FILIP1: variants seen among roughly 807,000 people sequenced by gnomAD.
FILIP1 encodes the protein filamin A interacting protein 1.
FILIP1 carries 61 observed loss-of-function variants against 102.1 expected under a neutral mutation model. The observed-to-expected ratio is 0.60, with a 90% CI of 0.49 to 0.74. The LOEUF is 0.74. Ranked by LOEUF, FILIP1 falls within the 30% of genes least tolerant of loss-of-function variation. The pLI is 0.00. For missense variants in FILIP1, 1,314 were observed against 1,441.2 expected (o/e 0.91, Z 1.43); for synonymous variants, 491 against 526.9 (o/e 0.93, Z 0.93).
chr6:75,397,517 C>A (rs1776503201), intron 2 of FILIP1, among the ~76,000 whole-genome samples: 1 of 147,332 alleles, frequency 6.8e-6, no homozygotes, highest in South Asian at 2.1e-4. Flanking sequence ...GATTTTTTTA[C>A]ATAACATATA....
intron 4 of FILIP1, among the ~76,000 whole-genome samples, chr6:75,329,013 A>G (rs927300218): frequency 6.6e-6 from 1 of 152,202 alleles, no homozygotes; most frequent in South Asian, 2.1e-4. Context: ...TTTGATACTT[A>G]GTCAAACTTA....
intron 3 of FILIP1, among the ~76,000 whole-genome samples, chr6:75,358,832 C>T (rs1775087945): frequency 1.3e-5 from 2 of 150,290 alleles, no homozygotes; most frequent in Admixed American, 1.3e-4. Context: ...ATGCCATTCT[C>T]CTGCCTCAGC....
At chr6:75,476,988 G>A (rs776534157) in intron 1 of FILIP1, among the ~76,000 whole-genome samples, 11 of 152,064 alleles carry the variant, frequency 7.2e-5, no homozygotes, top group Admixed American at 2.0e-4. Context: ...GAATGATTGC[G>A]GTTATTAGTT....
intron 2 of FILIP1, among the ~76,000 whole-genome samples, chr6:75,406,255 T>C (rs1776840636): frequency 6.6e-6 from 1 of 152,106 alleles, no homozygotes; most frequent in South Asian, 2.1e-4. Flanking sequence ...GGAGGTGTCG[T>C]TTTACCTCCA....
At chr6:75,493,234 G>C (rs1780016640) in intron 1 of FILIP1, among the ~76,000 whole-genome samples, 180 bp downstream of exon 1, 2 of 152,346 alleles carry the variant, frequency 1.3e-5, no homozygotes, top group Non-Finnish European at 1.5e-5. Context: ...TTGAGGAAGA[G>C]ATGATGTTTC....
chr6:75,411,826 G>A (rs1777081275), intron 2 of FILIP1, among the ~76,000 whole-genome samples: 1 of 152,146 alleles, frequency 6.6e-6, no homozygotes, highest in Non-Finnish European at 1.5e-5. Flanking sequence ...TAGGCTTGTA[G>A]TATAGTTTGA....
exon 7 of FILIP1, chr6:75,295,539 C>T (rs1389155863): frequency 6.2e-6 from 1 of 162,290 alleles, no homozygotes; most frequent in African/African-American, 2.4e-5. Flanking sequence ...CTTTGAAGAA[C>T]TGACAGCGTA....
rs1776929565 is a variant in FILIP1, at chr6:75,407,881, C to T, written c.276+6816G>A. Among the ~76,000 whole-genome samples, 5 of 152,154 alleles carry T rather than the reference C, an allele frequency of 3.3e-5. No individual in the cohort carries two copies. The South Asian group carries it at 8.3e-4, about 25-fold the overall frequency. On this transcript the variant is annotated intron_variant, in intron 2 of 5. Transcript: ENST00000237172. The stretch of plus-strand genomic sequence containing the variant: ...CATCAAGAAAAAAGAATTAGTTTGT[C>T]CCTTGTTCTTGAATCATTCTGCACA...
At chr6:75,384,051 T>C (rs1478728421) in intron 2 of FILIP1, among the ~76,000 whole-genome samples, 1 of 152,218 alleles carries the variant, frequency 6.6e-6, no homozygotes, top group Admixed American at 6.5e-5. Context: ...ATAACTGTTA[T>C]GTCTTGTATT....
At chr6:75,459,374 T>C (rs1778945563) in intron 1 of FILIP1, among the ~76,000 whole-genome samples, 1 of 152,180 alleles carries the variant, frequency 6.6e-6, no homozygotes, top group African/African-American at 2.4e-5. Context: ...GAGGAGTAAT[T>C]GCTTTAACCA....
At chr6:75,301,600 T>G (rs1772839476) in intron 6 of FILIP1, among the ~76,000 whole-genome samples, 1 of 152,178 alleles carries the variant, frequency 6.6e-6, no homozygotes, top group Non-Finnish European at 1.5e-5. Flanking sequence ...TTTTACCAGG[T>G]AAGTAATTAA....
At chr6:75,452,399 G>A (rs1778665011) in intron 1 of FILIP1, among the ~76,000 whole-genome samples, 1 of 151,962 alleles carries the variant, frequency 6.6e-6, no homozygotes, top group South Asian at 2.1e-4. Context: ...GAGAATGATG[G>A]TTTCCAGCTT....
chr6:75,345,713 G>A (rs1003761094), intron 4 of FILIP1, among the ~76,000 whole-genome samples: 8 of 152,056 alleles, frequency 5.3e-5, no homozygotes, highest in Non-Finnish European at 7.4e-5. Flanking sequence ...GTGGTCAGCC[G>A]TCTTTTCCTT....
intron 1 of FILIP1, among the ~76,000 whole-genome samples, chr6:75,433,286 C>A (rs1280641882): frequency 4.6e-5 from 7 of 152,148 alleles, no homozygotes; most frequent in Non-Finnish European, 7.3e-5. Flanking sequence ...AGTTTGCAGT[C>A]CCACCAACAG....
chr6:75,307,459 TTC>T (rs1180885218), downstream of FILIP1, among the ~76,000 whole-genome samples: 3 of 152,188 alleles, frequency 2.0e-5, no homozygotes, highest in African/African-American at 7.2e-5. Flanking sequence ...TTTTGTAAAG[TTC>T]ACTCAGTTGG....
chr6:75,442,267 A>G (rs1021553425), intron 1 of FILIP1, among the ~76,000 whole-genome samples: 6 of 151,216 alleles, frequency 4.0e-5, no homozygotes, highest in African/African-American at 1.5e-4. Context: ...CTCACTTTCC[A>G]GACTGGGCAG....
intron 2 of FILIP1, among the ~76,000 whole-genome samples, chr6:75,412,784 T>C (rs1027731239): frequency 1.3e-5 from 2 of 152,176 alleles, no homozygotes; most frequent in Non-Finnish European, 2.9e-5. Context: ...TGTGTGTGCA[T>C]ATATATATGG....
At chr6:75,369,201 T>G (rs1437863909) in intron 2 of FILIP1, among the ~76,000 whole-genome samples, 1 of 152,146 alleles carries the variant, frequency 6.6e-6, no homozygotes, top group Non-Finnish European at 1.5e-5. Context: ...GCCAGCAGCC[T>G]AAATGAGGAG....
intron 1 of FILIP1, among the ~76,000 whole-genome samples, chr6:75,423,292 C>A (rs1395949772): frequency 6.6e-6 from 1 of 152,086 alleles, no homozygotes; most frequent in Non-Finnish European, 1.5e-5. Context: ...GAAGTGCTGT[C>A]TTCTCTTACT....
Sources: gnomAD v4.1 joint callset for allele counts (sites outside exome capture counted in the v4.1 genomes callset) on GRCh38, gnomAD v4.1.1 for gene constraint, MANE v1.5 for transcripts, NCBI Gene and HGNC (gene_info 2026-07-23, HGNC 2026-07-21) for gene names.